MEG3: variants seen among roughly 807,000 people sequenced by gnomAD.
MEG3 encodes the protein Very putative protein from MEG3 locus.
chr14:100,830,175 A>G (rs930114558), downstream of MEG3: 22 of 152,160 alleles, frequency 1.4e-4, no homozygotes, highest in African/African-American at 5.3e-4. Flanking sequence ...ATGTTTGACA[A>G]TGGGACAGTC....
exon 1 of MEG3, chr14:100,860,185 G>A (rs1480641166): frequency 1.6e-5 from 3 of 184,156 alleles, no homozygotes; most frequent in South Asian, 2.0e-4. Context: ...CTGCTCTGGG[G>A]AGACAGTGGC....
chr14:100,852,584 C>T (rs1048207688), upstream of MEG3: 3 of 362,446 alleles, frequency 8.3e-6, no homozygotes, highest in East Asian at 1.5e-4. Flanking sequence ...TGAAGCTTCT[C>T]CCTGACAAGC....
intron 2 of MEG3, among the ~76,000 whole-genome samples, chr14:100,844,551 A>C (rs2037856775): frequency 6.6e-6 from 1 of 152,120 alleles, no homozygotes; most frequent in South Asian, 2.1e-4. Context: ...CGTCCCCACC[A>C]TCTCCCCTGT....
At chr14:100,854,460 G>C (rs1166120236), upstream of MEG3, 1 of 152,162 alleles carries the variant, frequency 6.6e-6, no homozygotes, top group Admixed American at 6.5e-5. Context: ...CATGGTGTGG[G>C]GTTGGCCTAG....
At position 100,836,808 on chromosome 14, in the gene MEG3, G is replaced by C. The variant is rs2037597989; in HGVS notation, n.3045+508G>C. Among the ~76,000 whole-genome samples the C allele has an allele frequency of 2.6e-5, 4 of 151,444 alleles. No homozygotes were observed. In the South Asian group the frequency reaches 8.4e-4, roughly 32 times the overall value. On this transcript the variant is annotated intron_variant and non_coding_transcript_variant, in intron 2 of 3. Coordinates refer to the MEG3 transcript ENST00000398461. The stretch of plus-strand genomic sequence containing the variant: ...CGTGGTTTCTCACACATGAGGCTTT[G>C]ATAATGTCCTTTAATCAAATAGTGG...
At chr14:100,826,585 C>G (rs2037238120) in intron 1 of MEG3, among the ~76,000 whole-genome samples, 2 of 152,162 alleles carry the variant, frequency 1.3e-5, no homozygotes, top group East Asian at 3.9e-4. Flanking sequence ...GAAGCCGCCT[C>G]TAGAATCGCG....
chr14:100,842,997 C>G (rs1002942570), intron 2 of MEG3, among the ~76,000 whole-genome samples: 2 of 152,186 alleles, frequency 1.3e-5, no homozygotes, highest in Admixed American at 1.3e-4. Context: ...TGTTAAGATT[C>G]TAGCCCAGCA....
At chr14:100,832,710 G>A (rs940942279), downstream of MEG3, 2 of 152,746 alleles carry the variant, frequency 1.3e-5, no homozygotes, top group Middle Eastern at 3.4e-3. Context: ...TGGTGATGGA[G>A]CCGACATTTC....
intron 3 of MEG3, chr14:100,849,507 C>CA (rs1446268406): frequency 6.6e-6 from 1 of 152,162 alleles, no homozygotes; most frequent in Non-Finnish European, 1.5e-5. Flanking sequence ...TCATTCATCT[C>CA]ACTCTGGGCA....
intron 2 of MEG3, among the ~76,000 whole-genome samples, chr14:100,840,403 C>A (rs1315375074): frequency 6.6e-6 from 1 of 151,724 alleles, no homozygotes; most frequent in East Asian, 1.9e-4. Flanking sequence ...GGGGGAGCCC[C>A]CCGTGGGGAA....
At chr14:100,852,579 C>T, upstream of MEG3, 1 of 365,508 alleles carries the variant, frequency 2.7e-6, no homozygotes, top group South Asian at 2.0e-5. Flanking sequence ...CCTGCTGAAG[C>T]TTCTCCCTGA....
rs553308795 is a variant in MEG3, at chr14:100,837,829, G to A, written n.3045+1529G>A. 1.4e-4 allele frequency among the ~76,000 whole-genome samples: 22 copies of A among 152,274 alleles called. No homozygotes were observed. The highest frequency in any genetic ancestry group is 5.3e-4 in the African/African-American group (22 of 41,554). On this transcript the variant is annotated intron_variant and non_coding_transcript_variant, in intron 2 of 3. Coordinates refer to the MEG3 transcript ENST00000398461. The surrounding 1 kb of genome is among the most constrained non-coding windows in gnomAD (Gnocchi z 5.8). ...TAAACAAAATCTGGCAGCGTAGGCAGAGGGGGCAGAGGCGCTCTAACCTGG... is the reference window on the plus strand; with the variant it reads ...TAAACAAAATCTGGCAGCGTAGGCAAAGGGGGCAGAGGCGCTCTAACCTGG...
At chr14:100,852,387 G>A, upstream of MEG3, 1 of 534,302 alleles carries the variant, frequency 1.9e-6, no homozygotes, top group Non-Finnish European at 3.8e-6. Flanking sequence ...GAATTCATGT[G>A]TCAGGAGCCA....
At chr14:100,826,411 T>C (rs1284254341) in intron 1 of MEG3, 1 of 152,242 alleles carries the variant, frequency 6.6e-6, no homozygotes, top group East Asian at 1.9e-4. Flanking sequence ...GAGGCACATT[T>C]CCCTGGGGGG....
rs4900476 is a variant in MEG3, at chr14:100,841,992, G to C, written n.3046-3466G>C. 4.4e-3 allele frequency among the ~76,000 whole-genome samples: 664 copies of C among 152,288 alleles called. 11 individuals carry two copies. The East Asian group carries it at 0.044, about 10-fold the overall frequency. On this transcript the variant is annotated intron_variant and non_coding_transcript_variant, in intron 2 of 3. Transcript: ENST00000398461. ...ACAGGATGACAACTTCTGGAAAAGTGATCATCACCCGCCTGCACTGGCTGC... is the reference window on the plus strand; with the variant it reads ...ACAGGATGACAACTTCTGGAAAAGTCATCATCACCCGCCTGCACTGGCTGC...
Position 100,860,561 on chromosome 14 carries a change from C to G in MEG3, n.3113-188C>G, listed in dbSNP as rs922542334. ...GGTGCTCCCCTCACCCTCCATGCTG[C>G]TAGGAGCCCGTGAGCAGGGACTTGC... On this transcript the variant is annotated intron_variant and non_coding_transcript_variant, in intron 1 of 1. Transcript: ENST00000398460. 9.2e-6 allele frequency: 4 copies of G among 435,792 alleles called. No individual in the cohort carries two copies. The Admixed American group carries it at 9.7e-5, about 11-fold the overall frequency. 27.0% of individuals were successfully genotyped at this position (435,792 alleles called of 1,614,324 possible).
exon 1 of MEG3, chr14:100,834,488 C>A: frequency 3.1e-6 from 1 of 317,648 alleles, no homozygotes; most frequent in South Asian, 2.7e-5. Flanking sequence ...TTTTCTGAGG[C>A]ACCGGCAGAG....
At chr14:100,841,224 G>T (rs900436152) in intron 2 of MEG3, among the ~76,000 whole-genome samples, 17 of 152,252 alleles carry the variant, frequency 1.1e-4, no homozygotes, top group African/African-American at 3.9e-4. Context: ...AGTCTTGGCT[G>T]GTCACTGACT....
intron 2 of MEG3, among the ~76,000 whole-genome samples, chr14:100,843,669 G>A (rs1436365594): frequency 1.3e-5 from 2 of 152,082 alleles, no homozygotes; most frequent in African/African-American, 4.8e-5. Flanking sequence ...CATCCTGGCT[G>A]GAGACATGAC....
Sources: allele counts gnomAD v4.1 joint callset (sites outside exome capture counted in the v4.1 genomes callset), GRCh38; gene constraint gnomAD v4.1.1; non-coding constraint Gnocchi (gnomAD v3.1); transcripts MANE v1.5; gene names NCBI Gene and HGNC (gene_info 2026-07-23, HGNC 2026-07-21).